The following KCNJ6 variants were observed in gnomAD, a reference collection of about 807,000 sequenced individuals.
KCNJ6 encodes the protein G protein-activated inward rectifier potassium channel 2.
KCNJ6 carries 9 observed loss-of-function variants against 34.2 expected under a neutral mutation model. The observed-to-expected ratio is 0.26, with a 90% CI of 0.16 to 0.46. KCNJ6 has a LOEUF of 0.46. Ranked by LOEUF, KCNJ6 falls within the 20% of genes least tolerant of loss-of-function variation. The pLI is 1.00. For synonymous variants in KCNJ6, 196 were observed against 207.1 expected (o/e 0.95, Z 0.46); for missense variants, 236 against 531.3 (o/e 0.44, Z 5.46).
intron 2 of KCNJ6, among the ~76,000 whole-genome samples, chr21:37,759,891 A>G (rs1470329606): frequency 6.6e-6 from 1 of 152,188 alleles, no homozygotes; most frequent in African/African-American, 2.4e-5. Context: ...GGGCTGGGTC[A>G]CGAAAGGACA....
intron 1 of KCNJ6, among the ~76,000 whole-genome samples, chr21:37,891,289 A>G (rs1217993665): frequency 6.6e-6 from 1 of 152,220 alleles, no homozygotes; most frequent in Admixed American, 6.5e-5. Flanking sequence ...ACAGGTACAG[A>G]CACACATAAA....
intron 2 of KCNJ6, among the ~76,000 whole-genome samples, chr21:37,724,948 T>C (rs910206866): frequency 1.3e-5 from 2 of 152,082 alleles, no homozygotes; most frequent in Non-Finnish European, 2.9e-5. Context: ...TAAAAAAAAT[T>C]CTAAGATTTA....
At chr21:37,789,153 CTCTT>C (rs2055205497) in intron 2 of KCNJ6, among the ~76,000 whole-genome samples, 1 of 152,082 alleles carries the variant, frequency 6.6e-6, no homozygotes, top group Non-Finnish European at 1.5e-5. Flanking sequence ...TTTTTTTGTA[CTCTT>C]TTTCTCCTTC....
chr21:37,779,186 G>C (rs930866910), intron 2 of KCNJ6, among the ~76,000 whole-genome samples: 7 of 152,158 alleles, frequency 4.6e-5, no homozygotes, highest in African/African-American at 1.4e-4. Flanking sequence ...TTGCAGGCCA[G>C]TCCCAACCCT....
chr21:37,867,720 A>C (rs890432551), intron 1 of KCNJ6, among the ~76,000 whole-genome samples: 1 of 152,258 alleles, frequency 6.6e-6, no homozygotes, highest in Non-Finnish European at 1.5e-5. Context: ...GTGAAAAACC[A>C]TATGATAAAA....
At chr21:37,844,631 C>T (rs1487492270) in intron 1 of KCNJ6, among the ~76,000 whole-genome samples, 5 of 152,042 alleles carry the variant, frequency 3.3e-5, no homozygotes, top group African/African-American at 4.8e-5. Context: ...CCCTGCAATC[C>T]GTGACCATTT....
At chr21:37,756,372 G>A (rs1273600506) in intron 2 of KCNJ6, among the ~76,000 whole-genome samples, 1 of 152,224 alleles carries the variant, frequency 6.6e-6, no homozygotes, top group Non-Finnish European at 1.5e-5. Context: ...AGACCCCACG[G>A]TCAGAGAATG....
Position 37,657,022 on chromosome 21 carries a change from G to A in KCNJ6, c.947-31538C>T, listed in dbSNP as rs1268960433. On this transcript the variant is annotated intron_variant, in intron 3 of 3. Transcript: ENST00000609713. Reference sequence around the variant, plus strand: ...AGGTCCTAGAAGATGCAGAGAGGTTGCTTCTTGGAGAGGAGGGAGGGGACA... The same window carrying A: ...AGGTCCTAGAAGATGCAGAGAGGTTACTTCTTGGAGAGGAGGGAGGGGACA... Among the ~76,000 whole-genome samples the A allele has an allele frequency of 3.3e-5, 5 of 152,314 alleles. No homozygotes were observed. The East Asian group carries it at 9.7e-4, about 29-fold the overall frequency.
rs756730015 is a variant in KCNJ6, at chr21:37,675,549, G to A, written c.946+38662C>T. 4.6e-5 allele frequency among the ~76,000 whole-genome samples: 7 copies of A among 152,242 alleles called. No homozygotes were observed. The highest frequency in any genetic ancestry group is 7.3e-5 in the Non-Finnish European group (5 of 68,036). On this transcript the variant is annotated intron_variant, in intron 3 of 3. Transcript: ENST00000609713. This position sits in a 1 kb window ranked among gnomAD's most constrained non-coding sequence, Gnocchi z 4.2. The stretch of plus-strand genomic sequence containing the variant: ...GTCCCCAGCACCCCTGGGAGGAGCT[G>A]CTGCGATGACACCCAGTCCCTGGGC...
intron 2 of KCNJ6, among the ~76,000 whole-genome samples, chr21:37,763,767 G>A (rs1031265205): frequency 6.6e-6 from 1 of 152,150 alleles, no homozygotes; most frequent in Non-Finnish European, 1.5e-5. Flanking sequence ...AACATGCTGT[G>A]TTTGGTTTTC....
At chr21:37,885,363 C>T (rs1040881564) in intron 1 of KCNJ6, among the ~76,000 whole-genome samples, 1 of 151,980 alleles carries the variant, frequency 6.6e-6, no homozygotes, top group African/African-American at 2.4e-5. Flanking sequence ...AAAGGTGGCC[C>T]CCAAGATCCT....
chr21:37,901,071 A>C (rs969426744), intron 1 of KCNJ6, among the ~76,000 whole-genome samples: 1 of 150,584 alleles, frequency 6.6e-6, no homozygotes, highest in African/African-American at 2.4e-5. Flanking sequence ...CTGAATGTTC[A>C]CATTTTTCTA....
At chr21:37,703,072 GAA>G (rs2054699769) in intron 3 of KCNJ6, among the ~76,000 whole-genome samples, 1 of 152,140 alleles carries the variant, frequency 6.6e-6, no homozygotes, top group Admixed American at 6.5e-5. Context: ...TGAGAAATGG[GAA>G]ACTACTAGAA....
At chr21:37,816,291 G>C (rs374890335) in intron 2 of KCNJ6, among the ~76,000 whole-genome samples, 2 of 152,178 alleles carry the variant, frequency 1.3e-5, no homozygotes, top group South Asian at 2.1e-4. Flanking sequence ...TTACATTCCT[G>C]ATGTTCAACT....
At position 37,633,250 on chromosome 21, in the gene KCNJ6, G is replaced by T. The variant is rs192250661; in HGVS notation, c.947-7766C>A. 5.9e-5 allele frequency among the ~76,000 whole-genome samples: 9 copies of T among 152,190 alleles called. No individual in the cohort carries two copies. In the East Asian group the frequency reaches 1.7e-3, roughly 29 times the overall value. On this transcript the variant is annotated intron_variant, in intron 3 of 3. Coordinates refer to ENST00000609713, the MANE Select transcript of KCNJ6 (RefSeq NM_002240.5). The stretch of plus-strand genomic sequence containing the variant: ...GAAAGATCATTTAAATATGTGCATA[G>T]AATTCATTTGATAAAATTCAAAAAC...
intron 2 of KCNJ6, among the ~76,000 whole-genome samples, chr21:37,719,111 CAGGAGG>C (rs2054810443): frequency 6.6e-6 from 1 of 151,614 alleles, no homozygotes; most frequent in Non-Finnish European, 1.5e-5. Flanking sequence ...CCCGAGGGGC[CAGGAGG>C]AGGAGAGGGT....
intron 2 of KCNJ6, among the ~76,000 whole-genome samples, chr21:37,761,113 T>TGC (rs755659767): frequency 4.3e-4 from 65 of 152,156 alleles, no homozygotes; most frequent in Non-Finnish European, 7.5e-4. Flanking sequence ...CGTGTGTGTG[T>TGC]GCTATGTGCT....
intron 2 of KCNJ6, among the ~76,000 whole-genome samples, chr21:37,783,193 A>T (rs1276669514): frequency 1.3e-5 from 2 of 152,182 alleles, no homozygotes; most frequent in African/African-American, 2.4e-5. Flanking sequence ...CACATCCTTG[A>T]TGCACGCTGA....
At chr21:37,791,757 T>C (rs895437326) in intron 2 of KCNJ6, among the ~76,000 whole-genome samples, 3 of 152,004 alleles carry the variant, frequency 2.0e-5, no homozygotes, top group African/African-American at 7.3e-5. Flanking sequence ...TTGGCAAAGA[T>C]TGATTTTTTT....
Sources: allele counts gnomAD v4.1 joint callset (sites outside exome capture counted in the v4.1 genomes callset), GRCh38; gene constraint gnomAD v4.1.1; non-coding constraint Gnocchi (gnomAD v3.1); transcripts MANE v1.5; gene names NCBI Gene and HGNC (gene_info 2026-07-23, HGNC 2026-07-21).